CLIC5: variants seen among roughly 807,000 people sequenced by gnomAD.
CLIC5 encodes chloride intracellular channel protein 5.
A neutral mutation model predicts 24.7 loss-of-function variants in CLIC5; 20 were observed. The ratio of observed to expected loss-of-function variants is 0.81; its 90% CI spans 0.57 to 1.18. CLIC5 has a LOEUF of 1.18. Ranked by LOEUF, CLIC5 falls within the 50% of genes most tolerant of loss-of-function variation. CLIC5 has a pLI of 0.00. For synonymous variants in CLIC5, 159 were observed against 135.6 expected (o/e 1.17, Z -1.20); for missense variants, 341 against 326.1 (o/e 1.05, Z -0.35).
At chr6:46,124,716 A>C in the CLIC5 span, among the ~76,000 whole-genome samples, 1 of 152,270 alleles carries the variant, frequency 6.6e-6, no homozygotes. Flanking sequence ...CAAAGAACTC[A>C]AACAAATTTA....
At chr6:46,113,874 T>A in the CLIC5 span, among the ~76,000 whole-genome samples, 1 of 152,106 alleles carries the variant, frequency 6.6e-6, no homozygotes, top group Non-Finnish European at 1.5e-5. Flanking sequence ...GGAGAGAAGA[T>A]GGCCATCCAT....
chr6:45,965,671 G>A (rs1312185821), intron 1 of CLIC5, among the ~76,000 whole-genome samples: 2 of 152,124 alleles, frequency 1.3e-5, no homozygotes, highest in Non-Finnish European at 2.9e-5. Context: ...TTTCCACATT[G>A]GTATAATTTG....
At chr6:45,925,277 T>C (rs1046692210) in intron 4 of CLIC5, among the ~76,000 whole-genome samples, 2 of 151,832 alleles carry the variant, frequency 1.3e-5, no homozygotes, top group Non-Finnish European at 2.9e-5. Context: ...TTTGCCAATA[T>C]ACATAGGTAT....
At chr6:46,045,452 T>C (rs1326214643) in intron 1 of CLIC5, among the ~76,000 whole-genome samples, 1 of 152,160 alleles carries the variant, frequency 6.6e-6, no homozygotes, top group African/African-American at 2.4e-5. Context: ...AGAGTATATA[T>C]GACTTCATGA....
Position 45,949,320 on chromosome 6 carries a change from C to T in CLIC5, c.235G>A (p.Gly79Arg), listed in dbSNP as rs901017556. ...TTATTGACGTCTGTCTTCACGTCCCCGTTGAAGGTCAGGAAGGGCGGGTGC... is the reference window on the plus strand; with the variant it reads ...TTATTGACGTCTGTCTTCACGTCCCTGTTGAAGGTCAGGAAGGGCGGGTGC... ...GTHPPFLTFN[G>R]DVKTDVNKIE... The change falls in exon 3 of 6, where the codon GGG becomes AGG. Residue 79 changes from glycine (G) to arginine (R), a missense_variant. Gly to Arg is a moderately radical substitution (Grantham distance 125, BLOSUM62 -2). Coordinates refer to ENST00000339561, the MANE Select transcript of CLIC5 (RefSeq NM_016929.5). 6.8e-6 allele frequency: 11 copies of T among 1,613,842 alleles called. No individual in the cohort carries two copies. Among genetic ancestry groups the T allele is most frequent in the African/African-American group, 4.0e-5 (3 of 74,926 alleles).
intron 1 of CLIC5, among the ~76,000 whole-genome samples, chr6:45,983,937 G>A (rs1765647764): frequency 6.6e-6 from 1 of 152,106 alleles, no homozygotes; most frequent in African/African-American, 2.4e-5. Context: ...CCTTAAGTCA[G>A]GAACCATATC....
chr6:46,100,455 G>C, the CLIC5 span, among the ~76,000 whole-genome samples: 1 of 152,132 alleles, frequency 6.6e-6, no homozygotes, highest in Non-Finnish European at 1.5e-5. Context: ...GGGGTCAGTG[G>C]ATGGCTGATG....
At position 45,902,792 on chromosome 6, in the gene CLIC5, C is replaced by G. The variant is rs1419958937; in HGVS notation, c.*296G>C. ...ATTGGCAGAAGAAGCTAGTGGCAAT[C>G]CCATATGTGGGCTCTCCAACACTGA... On this transcript the variant is annotated 3_prime_UTR_variant, in exon 6 of 6. Coordinates refer to ENST00000339561, the MANE Select transcript of CLIC5 (RefSeq NM_016929.5). The G allele has an allele frequency of 7.9e-6, 3 of 381,830 alleles. No homozygotes were observed. Among genetic ancestry groups the G allele is most frequent in the Admixed American group, 4.3e-5 (1 of 23,520 alleles). 23.7% of individuals were successfully genotyped at this position (381,830 alleles called of 1,614,324 possible). A position where few individuals can be genotyped will look rare whatever the true frequency, so the allele number is the denominator to read the frequency against.
intron 4 of CLIC5, among the ~76,000 whole-genome samples, chr6:45,931,805 T>C (rs549975019): frequency 3.9e-5 from 6 of 152,172 alleles, no homozygotes; most frequent in African/African-American, 1.4e-4. Flanking sequence ...ATTACAGGTG[T>C]GCGCCACCAT....
rs757455804 is a variant in CLIC5, at chr6:45,914,306, C to T, written c.510G>A (p.Gly170=). 2.5e-6 allele frequency: 4 copies of T among 1,607,044 alleles called. No homozygotes were observed. In the East Asian group the frequency reaches 6.7e-5, roughly 27 times the overall value. Residue 170 remains glycine (G), a synonymous_variant, in exon 5 of 6, where the codon GGG becomes GGA. Transcript: ENST00000339561. Reference sequence around the variant, plus strand: ...CCCCATCCAGGAACTTGCGCCGGGACCCCTTGTCTTCCCCACAAGTGTTGG... The same window carrying T: ...CCCCATCCAGGAACTTGCGCCGGGATCCCTTGTCTTCCCCACAAGTGTTGG... ...IDANTCGEDK[G]SRRKFLDGDE... is the part of the protein sequence containing the mutation.
At chr6:46,061,603 A>G (rs1462443955) in intron 1 of CLIC5, among the ~76,000 whole-genome samples, 1 of 152,238 alleles carries the variant, frequency 6.6e-6, no homozygotes, top group Non-Finnish European at 1.5e-5. Flanking sequence ...CAACATCCTC[A>G]GTCCTCAAAG....
the CLIC5 span, among the ~76,000 whole-genome samples, chr6:46,112,914 G>A: frequency 5.3e-5 from 8 of 152,090 alleles, no homozygotes; most frequent in Admixed American, 1.3e-4. Context: ...AAAATTAGCC[G>A]AGTGTGGTGG....
intron 1 of CLIC5, among the ~76,000 whole-genome samples, chr6:45,966,828 G>A (rs1174061374): frequency 1.3e-5 from 2 of 152,216 alleles, no homozygotes; most frequent in South Asian, 2.1e-4. Flanking sequence ...GGATCAAGAT[G>A]TCTGAAGAAC....
At chr6:46,109,623 A>G in the CLIC5 span, among the ~76,000 whole-genome samples, 1 of 150,596 alleles carries the variant, frequency 6.6e-6, no homozygotes, top group Admixed American at 6.6e-5. Flanking sequence ...TGAATAGAGG[A>G]CTGAAATAAT....
intron 1 of CLIC5, among the ~76,000 whole-genome samples, chr6:45,994,898 A>C (rs960231131): frequency 6.6e-6 from 1 of 152,208 alleles, no homozygotes; most frequent in African/African-American, 2.4e-5. Context: ...AAGGGAACTA[A>C]TATATTTATA....
chr6:45,952,976 A>G (rs113046443), intron 2 of CLIC5, among the ~76,000 whole-genome samples: 12 of 152,298 alleles, frequency 7.9e-5, no homozygotes, highest in African/African-American at 2.9e-4. Flanking sequence ...CCTGTGAAAA[A>G]CTAGTTTCTA....
chr6:46,042,060 T>G (rs1213778617), intron 1 of CLIC5, among the ~76,000 whole-genome samples: 1 of 152,206 alleles, frequency 6.6e-6, no homozygotes, highest in Non-Finnish European at 1.5e-5. Context: ...TTGCTGTGAC[T>G]CTGTTTTCTA....
At chr6:46,053,796 C>T (rs999158044) in intron 1 of CLIC5, among the ~76,000 whole-genome samples, 1 of 152,094 alleles carries the variant, frequency 6.6e-6, no homozygotes, top group Non-Finnish European at 1.5e-5. Context: ...AGGAGTTTGA[C>T]GAGAACTTTA....
chr6:45,952,221 C>A (rs775236904), intron 2 of CLIC5, among the ~76,000 whole-genome samples: 3 of 152,120 alleles, frequency 2.0e-5, no homozygotes, highest in Non-Finnish European at 4.4e-5. Flanking sequence ...TGGCCACCGA[C>A]GCTTAGCTAG....
Sources: allele counts gnomAD v4.1 joint callset (sites outside exome capture counted in the v4.1 genomes callset), GRCh38; gene constraint gnomAD v4.1.1; transcripts MANE v1.5; gene names NCBI Gene and HGNC (gene_info 2026-07-23, HGNC 2026-07-21).